Variants in GABBR2 observed in about 807,000 individuals in gnomAD.
GABBR2 encodes the protein G-protein coupled receptor 51.
GABBR2 carries 23 observed loss-of-function variants against 105.6 expected under a neutral mutation model. The ratio of observed to expected loss-of-function variants is 0.22; its 90% CI spans 0.16 to 0.31. The LOEUF is 0.31. Ranked by LOEUF, GABBR2 falls within the 10% of genes least tolerant of loss-of-function variation. GABBR2 has a pLI of 1.00. For synonymous variants in GABBR2, 478 were observed against 499.7 expected (o/e 0.96, Z 0.58); for missense variants, 734 against 1,245.5 (o/e 0.59, Z 6.18).
intron 1 of GABBR2, among the ~76,000 whole-genome samples, chr9:98,695,742 T>C (rs1830741891): frequency 6.6e-6 from 1 of 152,156 alleles, no homozygotes; most frequent in Admixed American, 6.5e-5. Flanking sequence ...ATCATCCCCA[T>C]CTCACGGACA....
rs371855887 is a variant in GABBR2, at chr9:98,290,268, TG to T, written c.*315del. ...TGCCTCTCTCCTTGTCTAGTTTTTT[TG>T]TTTTTTTTTTTTTTTTTTTTTTTTT... On this transcript the variant is annotated 3_prime_UTR_variant, in exon 19 of 19. Coordinates refer to ENST00000259455, the MANE Select transcript of GABBR2 (RefSeq NM_005458.8). The T allele has an allele frequency of 0.05, 7,595 of 150,474 alleles. 315 individuals carry two copies. The highest frequency in any genetic ancestry group is 0.078 in the South Asian group (353 of 4,504). 9.3% of individuals were successfully genotyped at this position (150,474 alleles called of 1,614,324 possible).
At position 98,541,914 on chromosome 9, in the gene GABBR2, G is replaced by A; in HGVS notation, c.589C>T (p.Arg197Cys). The change falls in exon 3 of 19, where the codon CGC (arginine) becomes TGC (cysteine). Residue 197 changes from arginine (R) to cysteine (C), a missense_variant. Around this residue, in one of 7 missense-constraint regions of GABBR2, gnomAD observed 370 missense variants for 648.9 expected, o/e 0.57. Transcript: ENST00000259455. ...ACGTCTTGCGTCAGCGTGCCCACGC[G>A]CTTCCACTGGTAGTGCTTGAGCAAC... ...LKLLKHYQWKRVGTLTQDVQR... is the reference protein window; with the variant it reads ...LKLLKHYQWKCVGTLTQDVQR... 6.2e-7 allele frequency: 1 copy of A among 1,614,164 alleles called. No homozygotes were observed. The highest frequency in any genetic ancestry group is 8.5e-7 in the Non-Finnish European group (1 of 1,179,976).
At chr9:98,490,482 C>T (rs567204978) in intron 4 of GABBR2, among the ~76,000 whole-genome samples, 2 of 152,102 alleles carry the variant, frequency 1.3e-5, no homozygotes, top group Admixed American at 6.5e-5. Flanking sequence ...ATTTCTGTGG[C>T]TTTCAAATTG....
intron 5 of GABBR2, among the ~76,000 whole-genome samples, chr9:98,479,238 T>C (rs1034584603): frequency 1.3e-5 from 2 of 152,178 alleles, no homozygotes; most frequent in Non-Finnish European, 2.9e-5. Context: ...CATTCCATCT[T>C]TGGACACCTG....
At chr9:98,294,497 CTTT>C (rs1054724028) in intron 17 of GABBR2, among the ~76,000 whole-genome samples, 2 of 144,818 alleles carry the variant, frequency 1.4e-5, no homozygotes, top group Admixed American at 6.9e-5. Context: ...ACCTCGGCAT[CTTT>C]TTTTTTTTTT....
In GABBR2 at chr9:98,356,470, A is replaced by T. The variant is rs577623571; in HGVS notation, c.1893+6245T>A. 9.2e-5 allele frequency among the ~76,000 whole-genome samples: 14 copies of T among 152,370 alleles called. No individual in the cohort carries two copies. In the South Asian group the frequency reaches 1.0e-3, roughly 11 times the overall value. ...AATTATAACAATGAGATACAAGCAC[A>T]CACCTATTAGAATGGCTAAAATCCA... On this transcript the variant is annotated intron_variant, in intron 13 of 18. Coordinates refer to ENST00000259455, the MANE Select transcript of GABBR2 (RefSeq NM_005458.8).
At chr9:98,441,407 G>T (rs1295339501) in intron 7 of GABBR2, among the ~76,000 whole-genome samples, 1 of 152,052 alleles carries the variant, frequency 6.6e-6, no homozygotes, top group African/African-American at 2.4e-5. Context: ...TCACTCTGTT[G>T]CCCAGGCTGG....
intron 5 of GABBR2, among the ~76,000 whole-genome samples, chr9:98,475,885 A>T (rs973427186): frequency 3.9e-5 from 6 of 152,194 alleles, no homozygotes; most frequent in African/African-American, 1.4e-4. Flanking sequence ...CAACATGGTG[A>T]AACCTTGTCT....
At chr9:98,587,003 A>G (rs1224453992) in intron 1 of GABBR2, among the ~76,000 whole-genome samples, 4 of 152,202 alleles carry the variant, frequency 2.6e-5, no homozygotes. Context: ...CGTTTGCTGC[A>G]TGTTCTCTAA....
At chr9:98,340,182 G>GT (rs1564023658) in intron 13 of GABBR2, among the ~76,000 whole-genome samples, 13 of 149,256 alleles carry the variant, frequency 8.7e-5, no homozygotes, top group Admixed American at 1.3e-4. Flanking sequence ...TCCAGTGAGG[G>GT]GTTTTTTTTT....
chr9:98,304,491 T>C (rs983231089), intron 15 of GABBR2, among the ~76,000 whole-genome samples: 2 of 152,158 alleles, frequency 1.3e-5, no homozygotes, highest in African/African-American at 4.8e-5. Flanking sequence ...TGGCCTCTTT[T>C]ACAGGATGGA....
Position 98,290,593 on chromosome 9 carries a change from C to T in GABBR2, c.2817G>A (p.Ser939=), listed in dbSNP as rs752078517. ...HVPPSFRVMV[S]GL ...CCCAGGCCTCCCACCCTTACAGGCC[C>T]GAGACCATGACTCGGAAGGAGGGTG... is the stretch of plus-strand genomic sequence containing the variant. Residue 939 remains serine, a synonymous_variant, in exon 19 of 19, where the codon TCG becomes TCA. Transcript: ENST00000259455. 18 of 1,398,158 alleles carry T rather than the reference C, an allele frequency of 1.3e-5. No individual in the cohort carries two copies. Among genetic ancestry groups the T allele is most frequent in the African/African-American group, 6.0e-5 (4 of 66,826 alleles). The allele number at this position is 1,398,158 out of a possible 1,614,324, so 86.6% of individuals were successfully genotyped here. A position where few individuals can be genotyped will look rare whatever the true frequency, so the allele number is the denominator to read the frequency against.
rs561698905 is a variant in GABBR2 at position 98,328,840 on chromosome 9, C to T, written c.1894-17635G>A. Reference sequence around the variant, plus strand: ...CACTGAGAATGTGGGGAAGTCCAGTCGACTAGGAGACAGGGGGTATGGTGG... The same window carrying T: ...CACTGAGAATGTGGGGAAGTCCAGTTGACTAGGAGACAGGGGGTATGGTGG... On this transcript the variant is annotated intron_variant, in intron 13 of 18. Transcript: ENST00000259455. Among the ~76,000 whole-genome samples, 126 of 152,214 alleles carry T rather than the reference C, an allele frequency of 8.3e-4. 1 individual carries two copies. The highest frequency in any genetic ancestry group is 1.6e-3 in the Non-Finnish European group (112 of 68,004).
At chr9:98,638,946 T>C (rs1829919236) in intron 1 of GABBR2, among the ~76,000 whole-genome samples, 1 of 152,238 alleles carries the variant, frequency 6.6e-6, no homozygotes, top group African/African-American at 2.4e-5. Flanking sequence ...GAAGACTTTG[T>C]AATTTTGAGT....
intron 7 of GABBR2, among the ~76,000 whole-genome samples, chr9:98,436,993 C>G (rs983790892): frequency 7.2e-5 from 11 of 152,036 alleles, no homozygotes; most frequent in Admixed American, 7.2e-4. Context: ...CAAAGAGTAA[C>G]TGGGTAGAGG....
At chr9:98,291,090 TGTAAGTTGAAAATATC>T (rs1246514170) in intron 18 of GABBR2, among the ~76,000 whole-genome samples, 11 of 152,250 alleles carry the variant, frequency 7.2e-5, no homozygotes, top group Non-Finnish European at 1.2e-4. Flanking sequence ...ATAAACCCAT[TGTAAGTTGAAAATATC>T]GTAAGTTGAA....
intron 3 of GABBR2, among the ~76,000 whole-genome samples, chr9:98,520,381 G>A (rs1018782197): frequency 1.3e-5 from 2 of 152,220 alleles, no homozygotes; most frequent in Admixed American, 6.5e-5. Flanking sequence ...GGATTCATAG[G>A]TGCCTGTGAT....
intron 7 of GABBR2, among the ~76,000 whole-genome samples, chr9:98,444,305 G>A (rs1826081892): frequency 6.6e-6 from 1 of 152,162 alleles, no homozygotes; most frequent in African/African-American, 2.4e-5. Context: ...AGGGGGGCTG[G>A]GTGGATGGGG....
intron 1 of GABBR2, among the ~76,000 whole-genome samples, chr9:98,647,721 G>T (rs774811913): frequency 1.3e-5 from 2 of 152,142 alleles, no homozygotes; most frequent in Admixed American, 6.5e-5. Context: ...ACATTGAGAA[G>T]AAATGCAAGA....
Sources: gnomAD v4.1 joint callset for allele counts (sites outside exome capture counted in the v4.1 genomes callset) on GRCh38, gnomAD v4.1.1 for gene constraint, gnomAD v4.1.1 regional missense constraint, MANE v1.5 for transcripts, NCBI Gene and HGNC (gene_info 2026-07-23, HGNC 2026-07-21) for gene names.